Variants in ROBO1 observed in about 807,000 individuals in gnomAD.
ROBO1 encodes roundabout guidance receptor 1, also known as roundabout homolog 1.
Under a neutral mutation model 195.9 loss-of-function variants are expected in ROBO1, and 149 were observed. That is an observed-to-expected ratio of 0.76 (90% CI 0.67 to 0.87). ROBO1 has a LOEUF of 0.87. ROBO1 is among the 40% of genes least tolerant of loss of function. ROBO1 has a pLI of 0.00. For missense variants in ROBO1, 1,933 were observed against 2,068.3 expected (o/e 0.93, Z 1.27); for synonymous variants, 816 against 733.2 (o/e 1.11, Z -1.82).
intron 1 of ROBO1, among the ~76,000 whole-genome samples, chr3:79,753,054 C>A (rs1486568375): frequency 2.0e-5 from 3 of 151,978 alleles, no homozygotes; most frequent in Non-Finnish European, 4.4e-5. Flanking sequence ...AATGAAGAGG[C>A]ATAGTAAAGC....
chr3:79,650,825 C>T (rs1009252708), intron 1 of ROBO1, among the ~76,000 whole-genome samples: 1 of 151,624 alleles, frequency 6.6e-6, no homozygotes, highest in Non-Finnish European at 1.5e-5. Context: ...CATATAAAGG[C>T]CTGAGTCAGA....
In ROBO1 at chr3:79,390,607, C is replaced by A. The variant is rs573860165; in HGVS notation, c.88+199217G>T. Among the ~76,000 whole-genome samples the A allele has an allele frequency of 3.9e-5, 6 of 152,128 alleles. No individual in the cohort carries two copies. In the South Asian group the frequency reaches 1.0e-3, roughly 26 times the overall value. ...ACCAGTGTCCAGTGATGCTGAGCAG[C>A]CTTAGTAAGAGGCAAACAAAGAAGT... On this transcript the variant is annotated intron_variant, in intron 2 of 30. Transcript: ENST00000464233.
intron 1 of ROBO1, among the ~76,000 whole-genome samples, chr3:79,669,178 G>A (rs545553827): frequency 2.6e-5 from 4 of 151,906 alleles, no homozygotes; most frequent in Admixed American, 6.6e-5. Context: ...TCATGATAGC[G>A]AATAAGTCTC....
At chr3:79,192,485 G>T (rs979115309) in intron 2 of ROBO1, among the ~76,000 whole-genome samples, 5 of 151,626 alleles carry the variant, frequency 3.3e-5, no homozygotes, top group African/African-American at 4.8e-5. Context: ...CATCAGAAAA[G>T]TCTGCTCTAA....
Position 78,767,577 on chromosome 3 carries a change from T to G in ROBO1, c.500-20677A>C, listed in dbSNP as rs539822405. 2.0e-5 allele frequency among the ~76,000 whole-genome samples: 3 copies of G among 152,312 alleles called. No homozygotes were observed. The East Asian group carries it at 5.8e-4, about 29-fold the overall frequency. On this transcript the variant is annotated intron_variant, in intron 4 of 30. Transcript: ENST00000464233. Reference sequence around the variant, plus strand: ...CACTGTGCCCAGCCTGTTGGTAATTTTTTAATTACCATTTCAATCTCACTC... The same window carrying G: ...CACTGTGCCCAGCCTGTTGGTAATTGTTTAATTACCATTTCAATCTCACTC...
intron 2 of ROBO1, among the ~76,000 whole-genome samples, chr3:79,572,933 T>C (rs1943328118): frequency 6.6e-6 from 1 of 152,144 alleles, no homozygotes; most frequent in South Asian, 2.1e-4. Context: ...CTGTGGTGGG[T>C]GCAGCGTGGA....
intron 8 of ROBO1, among the ~76,000 whole-genome samples, chr3:78,711,284 CCTTTCTTTCTTTCTCTTT>C (rs2081682115): frequency 6.7e-6 from 1 of 149,162 alleles, no homozygotes; most frequent in South Asian, 2.1e-4. Flanking sequence ...TCTTTCTTTC[CCTTTCTTTCTTTCTCTTT>C]CTTTCTTTCT....
chr3:79,362,939 A>C (rs191861931), intron 2 of ROBO1, among the ~76,000 whole-genome samples: 1 of 152,270 alleles, frequency 6.6e-6, no homozygotes, highest in Admixed American at 6.5e-5. Flanking sequence ...GAGGAATTCA[A>C]AAGAATCCAA....
At chr3:78,783,049 T>C (rs1480781635) in intron 4 of ROBO1, among the ~76,000 whole-genome samples, 1 of 152,202 alleles carries the variant, frequency 6.6e-6, no homozygotes, top group African/African-American at 2.4e-5. Context: ...ATAATAGATT[T>C]TTGTTTATTT....
At chr3:79,487,044 G>T (rs1038553146) in intron 2 of ROBO1, among the ~76,000 whole-genome samples, 18 of 152,078 alleles carry the variant, frequency 1.2e-4, no homozygotes, top group African/African-American at 4.1e-4. Context: ...GAGACTCAAG[G>T]TCCTTTTCCT....
At chr3:78,734,098 G>A (rs1262880972) in intron 5 of ROBO1, among the ~76,000 whole-genome samples, 1 of 152,026 alleles carries the variant, frequency 6.6e-6, no homozygotes, top group East Asian at 1.9e-4. Flanking sequence ...TCTGCTTTCT[G>A]GAAGGTCTAT....
Position 79,567,663 on chromosome 3 carries a change from T to C in ROBO1, c.88+22161A>G, listed in dbSNP as rs532484879. On this transcript the variant is annotated intron_variant, in intron 2 of 30. Transcript: ENST00000464233. Reference sequence around the variant, plus strand: ...TTGACTATTAAAAAGAAATTAACCGTACCCATATGATATTCCCTTTAAATA... The same window carrying C: ...TTGACTATTAAAAAGAAATTAACCGCACCCATATGATATTCCCTTTAAATA... Among the ~76,000 whole-genome samples, 14 of 152,294 alleles carry C rather than the reference T, an allele frequency of 9.2e-5. 1 individual carries two copies. In the South Asian group the frequency reaches 2.9e-3, roughly 32 times the overall value.
chr3:79,055,063 T>C (rs1466286500), intron 3 of ROBO1, among the ~76,000 whole-genome samples: 2 of 152,132 alleles, frequency 1.3e-5, no homozygotes, highest in Non-Finnish European at 2.9e-5. Flanking sequence ...CCTTTAATTT[T>C]CCCCATGGGG....
At chr3:79,452,429 C>T (rs184362262) in intron 2 of ROBO1, among the ~76,000 whole-genome samples, 46 of 152,172 alleles carry the variant, frequency 3.0e-4, no homozygotes, top group Middle Eastern at 3.4e-3. Context: ...TGCATACTCT[C>T]AGGGCATAAG....
chr3:79,090,001 G>A (rs2079447487), intron 3 of ROBO1, among the ~76,000 whole-genome samples: 1 of 150,474 alleles, frequency 6.6e-6, no homozygotes. Flanking sequence ...GTGCAGTGGT[G>A]CAATCTTGGC....
At chr3:78,654,958 T>TATCA (rs1706907145) in intron 18 of ROBO1, among the ~76,000 whole-genome samples, 1 of 152,196 alleles carries the variant, frequency 6.6e-6, no homozygotes, top group Non-Finnish European at 1.5e-5. Context: ...AATATTTGAC[T>TATCA]ATCAACTATT....
intron 3 of ROBO1, among the ~76,000 whole-genome samples, chr3:79,040,848 A>G (rs2078474695): frequency 6.6e-6 from 1 of 152,070 alleles, no homozygotes; most frequent in African/African-American, 2.4e-5. Context: ...TTAAACTTCA[A>G]TATGTCATAA....
chr3:79,201,059 T>C (rs148135263), intron 2 of ROBO1, among the ~76,000 whole-genome samples: 183 of 152,046 alleles, frequency 1.2e-3, no homozygotes, highest in Middle Eastern at 6.8e-3. Flanking sequence ...ACATTGTTAA[T>C]ATGGCCACAG....
At chr3:78,958,665 T>C (rs1242903668) in intron 3 of ROBO1, among the ~76,000 whole-genome samples, 2 of 152,076 alleles carry the variant, frequency 1.3e-5, no homozygotes, top group African/African-American at 4.8e-5. Flanking sequence ...ATTAACCAAT[T>C]CTTTTAAATA....
Sources: allele counts gnomAD v4.1 joint callset (sites outside exome capture counted in the v4.1 genomes callset), GRCh38; gene constraint gnomAD v4.1.1; transcripts MANE v1.5; gene names NCBI Gene and HGNC (gene_info 2026-07-23, HGNC 2026-07-21).